Variants in MPDZ observed in about 807,000 individuals in gnomAD.
MPDZ encodes the protein multiple PDZ domain protein.
A neutral mutation model predicts 239.1 loss-of-function variants in MPDZ; 234 were observed. The observed-to-expected ratio is 0.98, with a 90% CI of 0.88 to 1.09. The LOEUF (loss-of-function observed/expected upper bound fraction) is 1.09, where lower values mean the gene tolerates loss of function less well. Among genes scored for constraint, MPDZ ranks in the 50% least tolerant of loss-of-function variants. The pLI is 0.00. For missense variants in MPDZ, 3,175 were observed against 2,510.0 expected (o/e 1.26, Z -5.66); for synonymous variants, 1,048 against 881.3 (o/e 1.19, Z -3.35).
intron 1 of MPDZ, among the ~76,000 whole-genome samples, chr9:13,253,950 TTAAG>T (rs1349208373): frequency 6.6e-6 from 1 of 152,188 alleles, no homozygotes; most frequent in African/African-American, 2.4e-5. Flanking sequence ...TACAGACAGA[TTAAG>T]TAACTTGTCT....
intron 1 of MPDZ, among the ~76,000 whole-genome samples, chr9:13,263,073 T>A (rs1022126567): frequency 2.0e-5 from 3 of 152,078 alleles, no homozygotes; most frequent in Non-Finnish European, 4.4e-5. Context: ...AAATTATGCA[T>A]GTAAAAAGCA....
chr9:13,247,506 T>G, intron 3 of MPDZ, 129 bp downstream of exon 3: 3 of 944,736 alleles, frequency 3.2e-6, no homozygotes, highest in Non-Finnish European at 3.0e-6. Flanking sequence ...GAATGTCTCA[T>G]TTGGAGGTTT....
In MPDZ at chr9:13,121,857, G is replaced by C; in HGVS notation, c.5113C>G (p.Arg1705Gly). The change falls in exon 38 of 47, where the codon CGC (arginine) becomes GGC (glycine). Residue 1705 changes from arginine to glycine, a missense_variant. Physicochemically the swap from Arg to Gly is moderately radical, Grantham distance 125. Coordinates refer to ENST00000319217, the MANE Select transcript of MPDZ (RefSeq NM_001378778.1). ...GCCTCATCTCTGTAGAGTGTCAGGC[G>C]CACTCTCTGTGGCGTCTGTCTCAGG... ...NVLRQTPQRV[R>G]LTLYRDEAPY... 1 of 1,613,612 alleles carries C rather than the reference G, an allele frequency of 6.2e-7. No homozygotes were observed. Among genetic ancestry groups the C allele is most frequent in the Non-Finnish European group, 8.5e-7 (1 of 1,179,670 alleles).
Position 13,187,252 on chromosome 9 carries a change from A to G in MPDZ, c.2365-866T>C, listed in dbSNP as rs369716196. Among the ~76,000 whole-genome samples the G allele has an allele frequency of 3.9e-5, 6 of 152,286 alleles. No homozygotes were observed. In the East Asian group the frequency reaches 1.2e-3, roughly 29 times the overall value. On this transcript the variant is annotated intron_variant, in intron 17 of 46. Transcript: ENST00000319217. ...ATGCTGCAAGGCATACTGAATTTAAAATATCAAATACCGTCATAAAAGAAA... is the reference window on the plus strand; with the variant it reads ...ATGCTGCAAGGCATACTGAATTTAAGATATCAAATACCGTCATAAAAGAAA...
chr9:13,262,489 T>C (rs1370841110), intron 1 of MPDZ, among the ~76,000 whole-genome samples: 1 of 151,906 alleles, frequency 6.6e-6, no homozygotes, highest in African/African-American at 2.4e-5. Flanking sequence ...GTTCTCTTCA[T>C]AGGAGGATAG....
chr9:13,194,103 A>C (rs1303784763), intron 13 of MPDZ, among the ~76,000 whole-genome samples: 1 of 152,192 alleles, frequency 6.6e-6, no homozygotes, highest in Non-Finnish European at 1.5e-5. Context: ...AATGTCCATT[A>C]GTCAGTCCTG....
chr9:13,126,728 G>A lies in MPDZ; in HGVS notation c.4509C>T (p.Leu1503=), dbSNP rs375006043. ...LGIAISEEDT[L]SGVIIKSLTE... The stretch of plus-strand genomic sequence containing the variant: ...TTAAGCTCTTTATGATGACTCCACT[G>A]AGTGTATCTTCTTCGCTGATAGCAA... The change falls in exon 33 of 47, where the codon CTC becomes CTT. Residue 1503 remains leucine (L), a synonymous_variant. Transcript: ENST00000319217. The A allele has an allele frequency of 4.3e-6, 7 of 1,613,896 alleles. No individual in the cohort carries two copies. Among genetic ancestry groups the A allele is most frequent in the Non-Finnish European group, 5.1e-6 (6 of 1,179,830 alleles).
chr9:13,214,491 C>G (rs1306188550), intron 10 of MPDZ, among the ~76,000 whole-genome samples: 1 of 151,866 alleles, frequency 6.6e-6, no homozygotes, highest in Non-Finnish European at 1.5e-5. Flanking sequence ...CTAGAATTCA[C>G]CATGGTAGTG....
chr9:13,148,638 C>T (rs1286685518), intron 25 of MPDZ, among the ~76,000 whole-genome samples: 1 of 151,784 alleles, frequency 6.6e-6, no homozygotes, highest in Non-Finnish European at 1.5e-5. Context: ...TCACATCTAC[C>T]ATATGTCTAC....
At chr9:13,219,237 G>C (rs565344548) in intron 8 of MPDZ, among the ~76,000 whole-genome samples, 1 of 151,818 alleles carries the variant, frequency 6.6e-6, no homozygotes, top group African/African-American at 2.4e-5. Flanking sequence ...GAAAAAGACA[G>C]AATTAAACAT....
chr9:13,168,604 AT>A (rs1439508501), intron 21 of MPDZ, 40 bp from the exon 22 acceptor site: 3 of 1,311,708 alleles, frequency 2.3e-6, no homozygotes, highest in Non-Finnish European at 3.1e-6. Flanking sequence ...TAAATACATG[AT>A]TTTTCAATTC....
chr9:13,216,673 T>TTG, intron 10 of MPDZ, 101 bp downstream of exon 10: 1 of 794,924 alleles, frequency 1.3e-6, no homozygotes, highest in Non-Finnish European at 1.9e-6. Context: ...AAAGCTTAAA[T>TTG]TAGTACAGAG....
intron 35 of MPDZ, 68 bp downstream of exon 35, chr9:13,125,129 GGTAGGCAGCTGGCTCCCAA>G (rs1944928764): frequency 1.6e-6 from 2 of 1,266,402 alleles, no homozygotes; most frequent in Admixed American, 2.3e-5. Flanking sequence ...GTGAGCCACA[GGTAGGCAGCTGGCTCCCAA>G]GCAGAAACCC....
intron 10 of MPDZ, among the ~76,000 whole-genome samples, chr9:13,211,112 C>T (rs115086053): frequency 6.6e-6 from 1 of 152,142 alleles, no homozygotes; most frequent in South Asian, 2.1e-4. Flanking sequence ...CCAGGGGGTT[C>T]ATTTGAAATT....
rs545813925 is a variant in MPDZ, at chr9:13,164,926, C to T, written c.3255-2131G>A. On this transcript the variant is annotated intron_variant, in intron 22 of 46. Transcript: ENST00000319217. Reference sequence around the variant, plus strand: ...CTAAATTATGAGCTGCGAGAACACACTGAAATGCTTATTTGAGAGTTGAAT... The same window carrying T: ...CTAAATTATGAGCTGCGAGAACACATTGAAATGCTTATTTGAGAGTTGAAT... Among the ~76,000 whole-genome samples, 8 of 152,234 alleles carry T rather than the reference C, an allele frequency of 5.3e-5. No individual in the cohort carries two copies. In the East Asian group the frequency reaches 1.2e-3, roughly 22 times the overall value.
chr9:13,154,865 T>C (rs1197702763), intron 24 of MPDZ, among the ~76,000 whole-genome samples: 2 of 152,134 alleles, frequency 1.3e-5, no homozygotes, highest in Non-Finnish European at 2.9e-5. Flanking sequence ...AATGATCATA[T>C]GATGTGGTAA....
chr9:13,110,090 A>C, intron 44 of MPDZ, 26 bp from the exon 45 acceptor site: 1 of 1,547,434 alleles, frequency 6.5e-7, no homozygotes, highest in Non-Finnish European at 8.8e-7. Context: ...GGATAAACAG[A>C]AAAAACACAT....
chr9:13,175,814 T>A lies in MPDZ; in HGVS notation c.2993A>T (p.Gln998Leu), dbSNP rs749635278. Residue 998 changes from glutamine (Q) to leucine (L), a missense_variant, in exon 21 of 47, where the codon CAA (glutamine) becomes CTA (leucine). By Grantham distance (113) the Gln-to-Leu change is moderately radical. Coordinates refer to ENST00000319217, the MANE Select transcript of MPDZ (RefSeq NM_001378778.1). ...LACNAECVML[Q>L]NVSKESFERT... ...TTCAAAAGATTCTTTAGATACATTT[T>A]GAAGCATGACACACTCAGCATTACA... The A allele has an allele frequency of 1.3e-6, 2 of 1,586,974 alleles. No individual in the cohort carries two copies. Among genetic ancestry groups the A allele is most frequent in the South Asian group, 2.3e-5 (2 of 86,702 alleles).
At chr9:13,137,071 G>C (rs1022724541) in intron 29 of MPDZ, among the ~76,000 whole-genome samples, 6 of 152,108 alleles carry the variant, frequency 3.9e-5, no homozygotes, top group Non-Finnish European at 8.8e-5. Context: ...CCAACTGCAG[G>C]AGAGTAGACA....
Sources: allele counts gnomAD v4.1 joint callset (sites outside exome capture counted in the v4.1 genomes callset), GRCh38; gene constraint gnomAD v4.1.1; transcripts MANE v1.5; gene names NCBI Gene and HGNC (gene_info 2026-07-23, HGNC 2026-07-21).